Variants in XKR5 observed in about 807,000 individuals in gnomAD.
XKR5 encodes XK related 5, also known as XK-related protein 5.
XKR5 carries 46 observed loss-of-function variants against 40.8 expected under a neutral mutation model. The ratio of observed to expected loss-of-function variants is 1.13; its 90% CI spans 0.89 to 1.44. XKR5 has a LOEUF of 1.44. Ranked by LOEUF, XKR5 falls within the 40% of genes most tolerant of loss-of-function variation. The pLI, the probability that XKR5 is intolerant of heterozygous loss-of-function variation, is 0.00. For missense variants in XKR5, 1,169 were observed against 844.7 expected (o/e 1.38, Z -4.76); for synonymous variants, 466 against 356.1 (o/e 1.31, Z -3.48).
At chr8:6,821,492 C>G (rs1429406313) in intron 5 of XKR5, among the ~76,000 whole-genome samples, 1 of 152,156 alleles carries the variant, frequency 6.6e-6, no homozygotes, top group East Asian at 1.9e-4. Flanking sequence ...TCTCTAGGGC[C>G]ATGCCTGGAT....
At chr8:6,823,984 C>T (rs1190470473) in intron 3 of XKR5, among the ~76,000 whole-genome samples, 1 of 152,214 alleles carries the variant, frequency 6.6e-6, no homozygotes, top group Non-Finnish European at 1.5e-5. Context: ...GTACTAAATG[C>T]TCTTCCCAGC....
At chr8:6,823,883 C>T (rs1222089027) in intron 3 of XKR5, among the ~76,000 whole-genome samples, 153 bp from the exon 4 acceptor site, 1 of 152,212 alleles carries the variant, frequency 6.6e-6, no homozygotes, top group African/African-American at 2.4e-5. Context: ...CCACTTTGAC[C>T]AGTAGGTAAC....
At chr8:6,829,826 CTTTTTTTTTTT>C (rs140715953) in intron 2 of XKR5, among the ~76,000 whole-genome samples, 1 of 63,530 alleles carries the variant, frequency 1.6e-5, no homozygotes, top group Admixed American at 2.6e-4. Context: ...CAAATTCTTG[CTTTTTTTTTTT>C]TTTTTTTTTT....
intron 1 of XKR5, among the ~76,000 whole-genome samples, chr8:6,835,124 C>G (rs1804953660): frequency 6.6e-6 from 1 of 151,430 alleles, no homozygotes; most frequent in South Asian, 2.1e-4. Flanking sequence ...GCGAGGGGAT[C>G]TTGCATGCGT....
At position 6,821,905 on chromosome 8, in the gene XKR5, G is replaced by T. The variant is rs1804249865; in HGVS notation, c.771C>A (p.Asp257Glu). 6 of 1,613,382 alleles carry T rather than the reference G, an allele frequency of 3.7e-6. No homozygotes were observed. Among genetic ancestry groups the T allele is most frequent in the African/African-American group, 1.3e-5 (1 of 74,898 alleles). ...TGACCATCCTATTTCTAGAAGGGCT[G>T]TCCCAGAAGCTGAGGTAGCAGAGGA... is the stretch of plus-strand genomic sequence containing the variant. The part of the protein sequence containing the change: ...VYILCYLSFW[D>E]SPSRNRMVTF... Residue 257 changes from aspartate (D) to glutamate (E), a missense_variant, in exon 5 of 7, where the codon GAC (aspartate) becomes GAA (glutamate). Asp to Glu is a conservative substitution (Grantham distance 45). Coordinates refer to ENST00000618742, the MANE Select transcript of XKR5 (RefSeq NM_207411.5).
At chr8:6,822,201 A>G (rs1440901424) in intron 4 of XKR5, among the ~76,000 whole-genome samples, 163 bp from the exon 5 acceptor site, 1 of 152,242 alleles carries the variant, frequency 6.6e-6, no homozygotes, top group African/African-American at 2.4e-5. Flanking sequence ...CAGAAAACCA[A>G]CACAGTTTAT....
At position 6,815,908 on chromosome 8, in the gene XKR5, A is replaced by G. The variant is rs1803937604; in HGVS notation, c.818T>C (p.Leu273Ser). 1 of 1,599,770 alleles carries G rather than the reference A, an allele frequency of 6.3e-7. No individual in the cohort carries two copies. The highest frequency in any genetic ancestry group is 1.1e-5 in the South Asian group (1 of 88,314). The change falls in exon 6 of 7, where the codon TTG becomes TCG. Residue 273 changes from leucine (L) to serine (S), a missense_variant. By Grantham distance (145) the Leu-to-Ser change is moderately radical. Coordinates refer to ENST00000618742, the MANE Select transcript of XKR5 (RefSeq NM_207411.5). Reference sequence around the variant, plus strand: ...CAACAGCAACAGGATGATGTTCTCCAACAGCATGACCTGCGGGACCCAGGA... The same window carrying G: ...CAACAGCAACAGGATGATGTTCTCCGACAGCATGACCTGCGGGACCCAGGA... ...RMVTFYMVML[L>S]ENIILLLLAT...
chr8:6,813,532 A>G (rs759994795), intron 6 of XKR5, among the ~76,000 whole-genome samples: 3 of 152,146 alleles, frequency 2.0e-5, no homozygotes, highest in Non-Finnish European at 4.4e-5. Flanking sequence ...ATGGAAGGAA[A>G]AGGGGAGGAG....
chr8:6,832,627 G>T, intron 2 of XKR5, 90 bp downstream of exon 2: 2 of 1,529,326 alleles, frequency 1.3e-6, no homozygotes, highest in Non-Finnish European at 1.8e-6. Context: ...ACTTTTATGA[G>T]CTTGAGGACA....
chr8:6,811,909 A>C lies in XKR5; in HGVS notation c.1350T>G (p.Ser450=). The C allele has an allele frequency of 1.3e-6, 2 of 1,537,440 alleles. No homozygotes were observed. Among genetic ancestry groups the C allele is most frequent in the South Asian group, 2.4e-5 (2 of 84,066 alleles). Residue 450 remains serine (S), a synonymous_variant, in exon 7 of 7, where the codon TCT becomes TCG. Transcript: ENST00000618742. ...QQDYLQRKAL[S]AQQELPSSSR... The stretch of plus-strand genomic sequence containing the variant: ...ATGAGGATGGGAGCTCTTGCTGGGC[A>C]GACAAGGCCTTTCTCTGCAGGTAGT...
chr8:6,833,250 A>G (rs1269081325), intron 1 of XKR5, among the ~76,000 whole-genome samples: 3 of 152,208 alleles, frequency 2.0e-5, no homozygotes. Context: ...AAATTATTCA[A>G]AGGGCTAATC....
In XKR5 at chr8:6,812,148, G is replaced by C. The variant is rs1388320603; in HGVS notation, c.1111C>G (p.Pro371Ala). Residue 371 changes from proline to alanine, a missense_variant, in exon 7 of 7, where the codon CCA becomes GCA. Physicochemically the swap from Pro to Ala is conservative, Grantham distance 27. Coordinates refer to ENST00000618742, the MANE Select transcript of XKR5 (RefSeq NM_207411.5). The part of the protein sequence containing the change: ...SGSCQGASYE[P>A]TILGKPPTPE... ...GTAGGGGGCTTCCCTAAAATGGTTG[G>C]TTCATAACTTGCCCCTTGGCATGAG... 16 of 1,551,276 alleles carry C rather than the reference G, an allele frequency of 1.0e-5. No individual in the cohort carries two copies. Among genetic ancestry groups the C allele is most frequent in the Non-Finnish European group, 1.4e-5 (16 of 1,147,000 alleles).
Position 6,825,961 on chromosome 8 carries a change from C to T in XKR5, c.243-612G>A, listed in dbSNP as rs180990571. Among the ~76,000 whole-genome samples, 11 of 152,218 alleles carry T rather than the reference C, an allele frequency of 7.2e-5. No individual in the cohort carries two copies. In the East Asian group the frequency reaches 1.2e-3, roughly 16 times the overall value. ...CTGATGTGGTCCCGGTGAAGTAGAT[C>T]AGGGCCCTGAACTTCAGGCTATGGG... On this transcript the variant is annotated intron_variant, in intron 2 of 6. Transcript: ENST00000618742.
In XKR5 at chr8:6,811,254, G is replaced by C. The variant is rs764580687; in HGVS notation, c.2005C>G (p.Gln669Glu). 4 of 1,537,318 alleles carry C rather than the reference G, an allele frequency of 2.6e-6. No individual in the cohort carries two copies. In the South Asian group the frequency reaches 4.8e-5, roughly 18 times the overall value. ...TGTTCCCTGCAGCTGCAGTCCGTTT[G>C]GATAGACTCAGACTTAGGGGTGGAC... ...LTSTPKSESI[Q>E]TDCSCREQMK... The change falls in exon 7 of 7, where the codon CAA becomes GAA. Residue 669 changes from glutamine (Q) to glutamate (E), a missense_variant. Physicochemically the swap from Gln to Glu is conservative, Grantham distance 29 (BLOSUM62 2). Coordinates refer to ENST00000618742, the MANE Select transcript of XKR5 (RefSeq NM_207411.5).
intron 5 of XKR5, 75 bp downstream of exon 5, chr8:6,821,794 C>G: frequency 7.7e-7 from 1 of 1,306,642 alleles, no homozygotes; most frequent in Non-Finnish European, 1.1e-6. Context: ...ACACACACAC[C>G]CCCCACACAC....
Position 6,809,106 on chromosome 8 carries a change from G to A in XKR5, c.*2092C>T, listed in dbSNP as rs1297870427. 1 of 152,418 alleles carries A rather than the reference G, an allele frequency of 6.6e-6. No individual in the cohort carries two copies. The highest frequency in any genetic ancestry group is 6.6e-5 in the Admixed American group (1 of 15,264). The allele number at this position is 152,418 out of a possible 1,614,324, so 9.4% of individuals were successfully genotyped here. ...GGGTAGGTCTGGGAGAGCTGGAGCT[G>A]GGGAGGGCCCAGGAAGGCACCAAGA... On this transcript the variant is annotated 3_prime_UTR_variant, in exon 7 of 7. Coordinates refer to ENST00000618742, the MANE Select transcript of XKR5 (RefSeq NM_207411.5).
intron 4 of XKR5, among the ~76,000 whole-genome samples, chr8:6,822,388 G>T (rs1246177867): frequency 1.3e-5 from 2 of 152,098 alleles, no homozygotes; most frequent in Non-Finnish European, 2.9e-5. Context: ...TTTTAAAATT[G>T]TTACAAGAGC....
intron 2 of XKR5, among the ~76,000 whole-genome samples, 191 bp from the exon 3 acceptor site, chr8:6,825,540 G>A (rs974202789): frequency 6.6e-6 from 1 of 151,520 alleles, no homozygotes; most frequent in South Asian, 2.1e-4. Flanking sequence ...TAAGTTCCCC[G>A]AGTCCTGTGG....
intron 1 of XKR5, among the ~76,000 whole-genome samples, chr8:6,834,133 C>A (rs1804893447): frequency 6.6e-6 from 1 of 152,216 alleles, no homozygotes; most frequent in Non-Finnish European, 1.5e-5. Context: ...AGCACGGCCT[C>A]CTCAGGGTTG....
Sources: gnomAD v4.1 joint callset for allele counts (sites outside exome capture counted in the v4.1 genomes callset) on GRCh38, gnomAD v4.1.1 for gene constraint, MANE v1.5 for transcripts, NCBI Gene and HGNC (gene_info 2026-07-23, HGNC 2026-07-21) for gene names.